The following FAM168A variants were observed in gnomAD, a reference collection of about 807,000 sequenced individuals.
FAM168A encodes family with sequence similarity 168 member A, also known as protein FAM168A.
A neutral mutation model predicts 28.5 loss-of-function variants in FAM168A; 3 were observed. That is an observed-to-expected ratio of 0.11 (90% CI 0.05 to 0.27). FAM168A has a LOEUF of 0.27. Ranked by LOEUF, FAM168A falls within the 10% of genes least tolerant of loss-of-function variation. The pLI is 1.00. For missense variants in FAM168A, 222 were observed against 311.5 expected (o/e 0.71, Z 2.16); for synonymous variants, 122 against 124.2 (o/e 0.98, Z 0.12).
chr11:73,518,900 A>T (rs1943338557), intron 1 of FAM168A, among the ~76,000 whole-genome samples: 1 of 151,990 alleles, frequency 6.6e-6, no homozygotes, highest in Non-Finnish European at 1.5e-5. Flanking sequence ...GTCTCAAAAA[A>T]AATTGGCACC....
chr11:73,584,755 G>A lies in FAM168A; in HGVS notation c.-19+13168C>T, dbSNP rs903286361. On this transcript the variant is annotated intron_variant, in intron 1 of 7. Coordinates refer to ENST00000356467, the MANE Select transcript of FAM168A (RefSeq NM_015159.3). ...GCCTCCCAAAGTGCTGGGATTACAC[G>A]CGTGAGCCACCATGCCCAGTCCACT... 3.3e-5 allele frequency among the ~76,000 whole-genome samples: 5 copies of A among 152,242 alleles called. No individual in the cohort carries two copies. In the South Asian group the frequency reaches 6.2e-4, roughly 19 times the overall value.
rs1866479913 is a variant in FAM168A, at chr11:73,405,027, G to A, written c.*1736C>T. 6.6e-6 allele frequency: 1 copy of A among 152,166 alleles called. No individual in the cohort carries two copies. The highest frequency in any genetic ancestry group is 1.5e-5 in the Non-Finnish European group (1 of 68,020). The allele number at this position is 152,166 out of a possible 1,614,324, so 9.4% of individuals were successfully genotyped here. A position where few individuals can be genotyped will look rare whatever the true frequency, so the allele number is the denominator to read the frequency against. On this transcript the variant is annotated 3_prime_UTR_variant, in exon 8 of 8. Transcript: ENST00000356467. Reference sequence around the variant, plus strand: ...CTAGCAGGGACCTCCTCGTCCCAGGGGTCCCTCTTCTCCCAGATGAGCCTG... The same window carrying A: ...CTAGCAGGGACCTCCTCGTCCCAGGAGTCCCTCTTCTCCCAGATGAGCCTG...
At chr11:73,448,043 TTTTGTTTGTTTG>T (rs112310065) in intron 2 of FAM168A, among the ~76,000 whole-genome samples, 1 of 152,002 alleles carries the variant, frequency 6.6e-6, no homozygotes, top group African/African-American at 2.4e-5. Flanking sequence ...TCAAGTTACT[TTTTGTTTGTTTG>T]TTTGTTTGTT....
At chr11:73,594,962 C>G (rs1484455624) in intron 1 of FAM168A, among the ~76,000 whole-genome samples, 1 of 152,192 alleles carries the variant, frequency 6.6e-6, no homozygotes, top group Non-Finnish European at 1.5e-5. Context: ...TCAATACCTC[C>G]ATCTGCTCTC....
At chr11:73,592,909 A>G (rs1202737761) in intron 1 of FAM168A, among the ~76,000 whole-genome samples, 1 of 152,210 alleles carries the variant, frequency 6.6e-6, no homozygotes, top group African/African-American at 2.4e-5. Flanking sequence ...AATAGGACTA[A>G]AAACAATACT....
intron 1 of FAM168A, among the ~76,000 whole-genome samples, chr11:73,550,716 T>C (rs1160483867): frequency 6.6e-6 from 1 of 151,356 alleles, no homozygotes; most frequent in Non-Finnish European, 1.5e-5. Context: ...TGAGAGGGTG[T>C]CCCAAATAGA....
chr11:73,466,334 G>A (rs1227118158), intron 2 of FAM168A, among the ~76,000 whole-genome samples: 1 of 152,122 alleles, frequency 6.6e-6, no homozygotes, highest in Non-Finnish European at 1.5e-5. Context: ...AGACAGATTA[G>A]CTTACTGTAA....
intron 1 of FAM168A, among the ~76,000 whole-genome samples, chr11:73,566,795 T>C (rs1484855746): frequency 1.3e-5 from 2 of 152,178 alleles, no homozygotes; most frequent in Middle Eastern, 3.2e-3. Context: ...TACTATAAAA[T>C]GTTACAGGTC....
chr11:73,494,506 G>A (rs1430641444), intron 1 of FAM168A, among the ~76,000 whole-genome samples: 1 of 152,190 alleles, frequency 6.6e-6, no homozygotes, highest in Non-Finnish European at 1.5e-5. Flanking sequence ...CAGGACAGAA[G>A]GGCTCAGAAA....
chr11:73,558,578 T>G (rs2134701695), intron 1 of FAM168A, among the ~76,000 whole-genome samples: 1 of 151,492 alleles, frequency 6.6e-6, no homozygotes, highest in South Asian at 2.1e-4. Context: ...TATAAGGAAC[T>G]TTTATAATTC....
chr11:73,409,397 G>T, intron 6 of FAM168A, 90 bp downstream of exon 6: 1 of 1,539,810 alleles, frequency 6.5e-7, no homozygotes, highest in Non-Finnish European at 8.9e-7. Flanking sequence ...CTCTTGTGCT[G>T]TGCTGCAGCC....
intron 1 of FAM168A, among the ~76,000 whole-genome samples, chr11:73,511,683 G>A (rs962603591): frequency 3.3e-5 from 5 of 152,180 alleles, no homozygotes; most frequent in African/African-American, 4.8e-5. Flanking sequence ...TTTGCACCTC[G>A]TCAGAGTCAG....
intron 3 of FAM168A, among the ~76,000 whole-genome samples, chr11:73,428,852 T>C (rs1294291534): frequency 6.6e-6 from 1 of 152,226 alleles, no homozygotes; most frequent in Admixed American, 6.5e-5. Context: ...CCAAAGGCAA[T>C]GACTACAGCT....
intron 2 of FAM168A, among the ~76,000 whole-genome samples, chr11:73,441,300 G>A (rs1002698697): frequency 7.1e-4 from 108 of 151,960 alleles, no homozygotes; most frequent in African/African-American, 2.5e-3. Flanking sequence ...CTTGTGATCC[G>A]CCCACCTCAG....
At chr11:73,431,449 A>C (rs949567886) in intron 2 of FAM168A, among the ~76,000 whole-genome samples, 5 of 151,308 alleles carry the variant, frequency 3.3e-5, no homozygotes, top group Non-Finnish European at 5.9e-5. Flanking sequence ...TCCTCCCCAG[A>C]AGTAACACCA....
chr11:73,561,319 G>A (rs1322659269), intron 1 of FAM168A, among the ~76,000 whole-genome samples: 1 of 152,058 alleles, frequency 6.6e-6, no homozygotes, highest in African/African-American at 2.4e-5. Flanking sequence ...AGGTTGCAGT[G>A]AGCCGAGATC....
intron 2 of FAM168A, among the ~76,000 whole-genome samples, chr11:73,460,968 T>C (rs780933839): frequency 1.3e-4 from 20 of 152,226 alleles, no homozygotes; most frequent in Non-Finnish European, 2.9e-4. Flanking sequence ...GAAAGAGAAC[T>C]AGATTGGCTG....
At chr11:73,591,446 G>C (rs1278090846) in intron 1 of FAM168A, among the ~76,000 whole-genome samples, 6 of 152,170 alleles carry the variant, frequency 3.9e-5, no homozygotes, top group Non-Finnish European at 7.3e-5. Flanking sequence ...TCAAATGTTA[G>C]GTACCTTTTG....
At chr11:73,564,471 G>A (rs2134710309) in intron 1 of FAM168A, among the ~76,000 whole-genome samples, 1 of 151,826 alleles carries the variant, frequency 6.6e-6, no homozygotes, top group Non-Finnish European at 1.5e-5. Context: ...AGGCGCAGTG[G>A]CTCACGCCTA....
Sources: allele counts gnomAD v4.1 joint callset (sites outside exome capture counted in the v4.1 genomes callset), GRCh38; gene constraint gnomAD v4.1.1; transcripts MANE v1.5; gene names NCBI Gene and HGNC (gene_info 2026-07-23, HGNC 2026-07-21).